The following FAM171A1 variants were observed in gnomAD, a reference collection of about 807,000 sequenced individuals.
FAM171A1 encodes family with sequence similarity 171 member A1.
Under a neutral mutation model 74.9 loss-of-function variants are expected in FAM171A1, and 23 were observed. The observed-to-expected ratio is 0.31, with a 90% CI of 0.22 to 0.44. The LOEUF is 0.44. Among genes scored for constraint, FAM171A1 ranks in the 20% least tolerant of loss-of-function variants. FAM171A1 has a pLI of 1.00. For missense variants in FAM171A1, 1,162 were observed against 1,159.2 expected, an observed-to-expected ratio of 1.00 and a Z score of -0.03; for synonymous variants, 527 against 505.7, an observed-to-expected ratio of 1.04 and a Z score of -0.57.
chr10:15,271,124 C>T lies in FAM171A1; in HGVS notation c.418+4731G>A, dbSNP rs564937597. Among the ~76,000 whole-genome samples, 133 of 152,202 alleles carry T rather than the reference C, an allele frequency of 8.7e-4. 1 individual carries two copies. The East Asian group carries it at 0.021, about 24-fold the overall frequency. On this transcript the variant is annotated intron_variant, in intron 3 of 7. Transcript: ENST00000378116. ...GATGTTCGAACCCATTGCAAAGAAG[C>T]TAAAAACCTTGAAAAAAGATTAGAC...
At chr10:15,226,232 A>G (rs951811363) in intron 5 of FAM171A1, among the ~76,000 whole-genome samples, 1 of 152,192 alleles carries the variant, frequency 6.6e-6, no homozygotes, top group Non-Finnish European at 1.5e-5. Flanking sequence ...CCGGCATTTT[A>G]GGAGGTGGCT....
intron 3 of FAM171A1, among the ~76,000 whole-genome samples, chr10:15,264,652 T>C (rs948613900): frequency 1.3e-5 from 2 of 149,602 alleles, no homozygotes; most frequent in South Asian, 4.2e-4. Context: ...GGTGTGGTGG[T>C]GTATACTGTA....
chr10:15,333,431 C>T (rs542503349), intron 1 of FAM171A1, among the ~76,000 whole-genome samples: 210 of 152,146 alleles, frequency 1.4e-3, no homozygotes, highest in Non-Finnish European at 2.7e-3. Context: ...ACCCAGGAGG[C>T]GGAGGGTGCA....
At chr10:15,356,878 G>A (rs1378833186) in intron 1 of FAM171A1, among the ~76,000 whole-genome samples, 1 of 152,134 alleles carries the variant, frequency 6.6e-6, no homozygotes, top group Non-Finnish European at 1.5e-5. Context: ...GGCTGAGGCA[G>A]GAGAATCGCT....
chr10:15,243,010 C>T (rs1196134962), intron 5 of FAM171A1, among the ~76,000 whole-genome samples: 1 of 152,160 alleles, frequency 6.6e-6, no homozygotes, highest in African/African-American at 2.4e-5. Context: ...CTTAAAACAG[C>T]ACAGATTTAC....
chr10:15,299,908 G>T (rs1835208258), intron 1 of FAM171A1, among the ~76,000 whole-genome samples: 1 of 152,020 alleles, frequency 6.6e-6, no homozygotes, highest in Non-Finnish European at 1.5e-5. Flanking sequence ...AACCCGGGAG[G>T]CAGAGCTTGC....
At chr10:15,218,382 A>G (rs1833994259) in intron 6 of FAM171A1, among the ~76,000 whole-genome samples, 1 of 152,120 alleles carries the variant, frequency 6.6e-6, no homozygotes, top group Non-Finnish European at 1.5e-5. Context: ...CCTGGCCAGC[A>G]TTATTGTTTT....
Position 15,249,813 on chromosome 10 carries a change from G to C in FAM171A1, c.578-998C>G, listed in dbSNP as rs374748713. On this transcript the variant is annotated intron_variant, in intron 4 of 7. Coordinates refer to ENST00000378116, the MANE Select transcript of FAM171A1 (RefSeq NM_001010924.2). The stretch of plus-strand genomic sequence containing the variant: ...AATGACTGCCTACAGATAAATTAGA[G>C]AATGCTTATGAGACCGATATATTTA... 2.0e-4 allele frequency among the ~76,000 whole-genome samples: 31 copies of C among 152,282 alleles called. 1 individual carries two copies. Among genetic ancestry groups the C allele is most frequent in the African/African-American group, 7.2e-4 (30 of 41,552 alleles).
rs564097166 is a variant in FAM171A1, at chr10:15,211,752, G to A, written c.*1163C>T. ...TCTGGCACTTTTGGATAGTACATAAGATTTTCTTTTTTTTTTTTAAATTTT... is the reference window on the plus strand; with the variant it reads ...TCTGGCACTTTTGGATAGTACATAAAATTTTCTTTTTTTTTTTTAAATTTT... On this transcript the variant is annotated 3_prime_UTR_variant, in exon 8 of 8. Transcript: ENST00000378116. 1 of 150,540 alleles carries A rather than the reference G, an allele frequency of 6.6e-6. No homozygotes were observed. The highest frequency in any genetic ancestry group is 6.6e-5 in the Admixed American group (1 of 15,216). 9.3% of individuals were successfully genotyped at this position (150,540 alleles called of 1,614,324 possible). A position where few individuals can be genotyped will look rare whatever the true frequency, so the allele number is the denominator to read the frequency against.
At chr10:15,304,956 A>C (rs1020321027) in intron 1 of FAM171A1, among the ~76,000 whole-genome samples, 1 of 151,686 alleles carries the variant, frequency 6.6e-6, no homozygotes, top group African/African-American at 2.4e-5. Context: ...CTGGTCTCAA[A>C]CTCCTGACCT....
At chr10:15,216,371 C>T (rs762540697) in intron 6 of FAM171A1, among the ~76,000 whole-genome samples, 1 of 152,172 alleles carries the variant, frequency 6.6e-6, no homozygotes, top group Non-Finnish European at 1.5e-5. Flanking sequence ...AGGGCCCCTC[C>T]TAAGCGGAGA....
chr10:15,315,927 C>T (rs1835416707), intron 1 of FAM171A1, among the ~76,000 whole-genome samples: 1 of 152,228 alleles, frequency 6.6e-6, no homozygotes, highest in South Asian at 2.1e-4. Flanking sequence ...ACATACACAA[C>T]CCCAGCTCCC....
chr10:15,275,743 T>G (rs901721210), intron 3 of FAM171A1, 112 bp downstream of exon 3: 5 of 634,846 alleles, frequency 7.9e-6, no homozygotes, highest in Non-Finnish European at 1.3e-5. Flanking sequence ...TGTGTTTGAT[T>G]TAATCAATCC....
intron 2 of FAM171A1, among the ~76,000 whole-genome samples, chr10:15,276,267 G>C (rs925734168): frequency 6.6e-6 from 1 of 151,206 alleles, no homozygotes; most frequent in East Asian, 1.9e-4. Flanking sequence ...TCTAACCTCC[G>C]CCTCCCAGGT....
intron 1 of FAM171A1, among the ~76,000 whole-genome samples, chr10:15,361,600 T>C (rs575681090): frequency 2.7e-4 from 41 of 152,210 alleles, no homozygotes; most frequent in African/African-American, 8.7e-4. Flanking sequence ...AGAGAATCGC[T>C]TGAACTCAGG....
intron 1 of FAM171A1, among the ~76,000 whole-genome samples, chr10:15,284,641 T>G (rs958075151): frequency 1.5e-4 from 23 of 152,182 alleles, no homozygotes; most frequent in African/African-American, 5.5e-4. Flanking sequence ...TTCAAACTCC[T>G]GAGGCTCAAG....
intron 4 of FAM171A1, among the ~76,000 whole-genome samples, chr10:15,249,458 A>T (rs1204276871): frequency 6.6e-6 from 1 of 152,136 alleles, no homozygotes; most frequent in East Asian, 1.9e-4. Flanking sequence ...AAAGAGAAGG[A>T]TTTTTCTATA....
chr10:15,238,613 C>T (rs567249620), intron 5 of FAM171A1, among the ~76,000 whole-genome samples: 1 of 151,946 alleles, frequency 6.6e-6, no homozygotes, highest in Admixed American at 6.6e-5. Context: ...GCAAGTTGTC[C>T]GTCACTTAGG....
intron 1 of FAM171A1, among the ~76,000 whole-genome samples, chr10:15,312,142 G>C (rs1835366469): frequency 6.6e-6 from 1 of 152,218 alleles, no homozygotes; most frequent in Admixed American, 6.5e-5. Context: ...TCCCATTCAA[G>C]TTCCAGGCAT....
Sources: allele counts gnomAD v4.1 joint callset (sites outside exome capture counted in the v4.1 genomes callset), GRCh38; gene constraint gnomAD v4.1.1; transcripts MANE v1.5; gene names NCBI Gene and HGNC (gene_info 2026-07-23, HGNC 2026-07-21).